SLC16A3: variants seen among roughly 807,000 people sequenced by gnomAD.
The protein encoded by SLC16A3 is solute carrier family 16 member 3.
A neutral mutation model predicts 25.0 loss-of-function variants in SLC16A3; 22 were observed. The ratio of observed to expected loss-of-function variants is 0.88; its 90% CI spans 0.63 to 1.26. SLC16A3 has a LOEUF of 1.26. Ranked by LOEUF, SLC16A3 falls within the 50% of genes most tolerant of loss-of-function variation. The pLI is 0.00. For missense variants in SLC16A3, 731 were observed against 666.6 expected, an observed-to-expected ratio of 1.10 and a Z score of -1.06; for synonymous variants, 390 against 309.2, an observed-to-expected ratio of 1.26 and a Z score of -2.74.
chr17:82,227,813 C>G (rs112782362), upstream of SLC16A3, among the ~76,000 whole-genome samples: 3 of 152,158 alleles, frequency 2.0e-5, no homozygotes, highest in East Asian at 5.8e-4. Context: ...GGTGGTTGGG[C>G]CCCAGGTAGG....
chr17:82,231,023 G>A (rs2050486036), intron 1 of SLC16A3: 1 of 152,256 alleles, frequency 6.6e-6, no homozygotes, highest in Non-Finnish European at 1.5e-5. Flanking sequence ...CGGCTCCCGG[G>A]CTCCGCTGAC....
At position 82,237,414 on chromosome 17, in the gene SLC16A3, G is replaced by A. The variant is rs768117381; in HGVS notation, c.644G>A (p.Arg215Gln). Residue 215 changes from arginine to glutamine, a missense_variant, in exon 4 of 5, where the codon CGG becomes CAG. Coordinates refer to ENST00000582743, the MANE Select transcript of SLC16A3 (RefSeq NM_004207.4). ...QPGSGPPRPS[R>Q]RLLDLSVFRD... ...GGCTCGGGGCCGCCGCGACCCTCCC[G>A]GCGCCTGCTAGACCTGAGCGTCTTC... 21 of 1,569,046 alleles carry A rather than the reference G, an allele frequency of 1.3e-5. No homozygotes were observed. The East Asian group carries it at 2.6e-4, about 19-fold the overall frequency.
chr17:82,239,994 G>A lies in SLC16A3; in HGVS notation c.*1018G>A. 1.6e-6 allele frequency: 2 copies of A among 1,233,724 alleles called. No individual in the cohort carries two copies. The highest frequency in any genetic ancestry group is 2.0e-6 in the Non-Finnish European group (2 of 987,838). The allele number at this position is 1,233,724 out of a possible 1,614,324, so 76.4% of individuals were successfully genotyped here. ...GGGGCCCTCAGTAGGTGCGTCGTGGGCGCTGGGGACGGCAGCGGGTGCCCT... is the reference window on the plus strand; with the variant it reads ...GGGGCCCTCAGTAGGTGCGTCGTGGACGCTGGGGACGGCAGCGGGTGCCCT... On this transcript the variant is annotated 3_prime_UTR_variant, in exon 5 of 5. Transcript: ENST00000582743.
At chr17:82,238,583 C>T in intron 4 of SLC16A3, 119 bp from the exon 5 acceptor site, 12 of 1,052,248 alleles carry the variant, frequency 1.1e-5, no homozygotes, top group Non-Finnish European at 1.6e-5. Context: ...GCCCCACAAG[C>T]TCAGAGGCAG....
rs550922668 is a variant in SLC16A3 at position 82,223,204 on chromosome 17, G to A, written c.-27+5020G>A. ...TTATTATTATTATTATTTCTGAGAC[G>A]GAGTTTCGCTCTTTGTTACCCAGGC... On this transcript the variant is annotated intron_variant, in intron 1 of 4. Coordinates refer to the SLC16A3 transcript ENST00000580098. Among the ~76,000 whole-genome samples the A allele has an allele frequency of 9.8e-3, 1,458 of 148,456 alleles. 14 individuals are homozygous for A. Among genetic ancestry groups the A allele is most frequent in the African/African-American group, 0.037 (1,396 of 38,132 alleles).
chr17:82,225,255 T>G (rs1346002604), upstream of SLC16A3, among the ~76,000 whole-genome samples: 1 of 151,892 alleles, frequency 6.6e-6, no homozygotes, highest in Non-Finnish European at 1.5e-5. Flanking sequence ...AGTGAGACTC[T>G]GTCAAAAAAA....
rs890433707 is a variant in SLC16A3 at position 82,235,741 on chromosome 17, C to T, written c.-26-242C>T. 14 of 551,724 alleles carry T rather than the reference C, an allele frequency of 2.5e-5. No homozygotes were observed. The African/African-American group carries it at 2.6e-4, about 10-fold the overall frequency. The allele number at this position is 551,724 out of a possible 1,614,324, so 34.2% of individuals were successfully genotyped here. The stretch of plus-strand genomic sequence containing the variant: ...CTGGCCGAGCCCAAAAAAGCCACTG[C>T]CCTTTAGAGCCAGCTGTGAGGGTGC... On this transcript the variant is annotated intron_variant, in intron 1 of 4. Coordinates refer to ENST00000582743, the MANE Select transcript of SLC16A3 (RefSeq NM_004207.4).
chr17:82,236,048 A>AGGGCCCCACAGGCGTCT lies in SLC16A3; in HGVS notation c.40_41insGGGCCCCACAGGCGTCT (p.Lys14ArgfsTer75). On this transcript the variant is annotated frameshift_variant, in exon 2 of 5. Transcript: ENST00000582743. LOFTEE classifies it high-confidence loss of function. ...GGTGGACGAGGGCCCCACAGGCGTC[A>AGGGCCCCACAGGCGTCT]AGGCCCCTGACGGCGGCTGGGGCTG... is the stretch of plus-strand genomic sequence containing the variant. 6.2e-7 allele frequency: 1 copy of AGGGCCCCACAGGCGTCT among 1,612,708 alleles called. No individual in the cohort carries two copies. The highest frequency in any genetic ancestry group is 8.5e-7 in the Non-Finnish European group (1 of 1,179,818).
intron 1 of SLC16A3, chr17:82,229,583 C>G (rs1307015134): frequency 6.6e-6 from 1 of 152,450 alleles, no homozygotes; most frequent in African/African-American, 2.4e-5. Flanking sequence ...TCGCAACACC[C>G]TGAACACTCC....
At chr17:82,220,724 C>T (rs1207359150) in intron 1 of SLC16A3, among the ~76,000 whole-genome samples, 4 of 152,062 alleles carry the variant, frequency 2.6e-5, no homozygotes, top group Non-Finnish European at 5.9e-5. Flanking sequence ...TATCTCACAC[C>T]GTTTATAAGT....
chr17:82,227,481 G>A (rs1364435495), upstream of SLC16A3, among the ~76,000 whole-genome samples: 1 of 152,102 alleles, frequency 6.6e-6, no homozygotes, highest in East Asian at 1.9e-4. Context: ...CCCCATAGGG[G>A]ACCCATTCCC....
chr17:82,218,929 G>A (rs995617271), intron 1 of SLC16A3, among the ~76,000 whole-genome samples: 21 of 152,146 alleles, frequency 1.4e-4, no homozygotes, highest in Non-Finnish European at 1.6e-4. Context: ...TGGGGACCAC[G>A]GGACTTGCCA....
upstream of SLC16A3, among the ~76,000 whole-genome samples, chr17:82,224,652 C>T (rs560733966): frequency 5.6e-5 from 8 of 142,190 alleles, no homozygotes; most frequent in Admixed American, 2.8e-4. Context: ...AGACACACCC[C>T]TACACCCGTG....
intron 4 of SLC16A3, 63 bp downstream of exon 4, chr17:82,237,956 GA>G (rs2050654630): frequency 3.2e-5 from 49 of 1,546,492 alleles, no homozygotes; most frequent in Non-Finnish European, 4.2e-5. Context: ...CCCGCTTTGC[GA>G]GGGGGGGGAC....
At position 82,237,767 on chromosome 17, in the gene SLC16A3, G is replaced by T. The variant is rs147536424; in HGVS notation, c.997G>T (p.Gly333Cys). Reference protein sequence around the residue: ...VFCIFFGISYGMVGALQFEVL... With the variant: ...VFCIFFGISYCMVGALQFEVL... Reference sequence around the variant, plus strand: ...CTGCATCTTCTTTGGCATCTCCTACGGCATGGTGGGGGCCCTGCAGTTCGA... The same window carrying T: ...CTGCATCTTCTTTGGCATCTCCTACTGCATGGTGGGGGCCCTGCAGTTCGA... Residue 333 changes from glycine to cysteine, a missense_variant, in exon 4 of 5, where the codon GGC becomes TGC. By Grantham distance (159) the Gly-to-Cys change is radical. Transcript: ENST00000582743. 1.2e-6 allele frequency: 2 copies of T among 1,611,924 alleles called. No individual in the cohort carries two copies. Among genetic ancestry groups the T allele is most frequent in the Admixed American group, 1.7e-5 (1 of 60,020 alleles).
intron 1 of SLC16A3, among the ~76,000 whole-genome samples, chr17:82,222,579 G>A (rs1430831135): frequency 6.6e-6 from 1 of 152,128 alleles, no homozygotes; most frequent in African/African-American, 2.4e-5. Flanking sequence ...CGAGGCAGGC[G>A]CCTCACCTGA....
intron 4 of SLC16A3, among the ~76,000 whole-genome samples, chr17:82,238,245 A>G (rs1243374588): frequency 6.6e-6 from 1 of 152,146 alleles, no homozygotes; most frequent in Non-Finnish European, 1.5e-5. Flanking sequence ...TGACTGAGCT[A>G]ACACGTGAGG....
chr17:82,224,549 A>G (rs36007920), upstream of SLC16A3, among the ~76,000 whole-genome samples: 646 of 15,478 alleles, frequency 0.042, 84 homozygotes, highest in East Asian at 0.11. Flanking sequence ...CCCTACACCC[A>G]TGCAGACACA....
At chr17:82,235,255 T>C (rs2050578070) in intron 1 of SLC16A3, 2 of 152,592 alleles carry the variant, frequency 1.3e-5, no homozygotes, top group African/African-American at 2.4e-5. Flanking sequence ...ACTGGAGGAG[T>C]CACTGAGCAA....
Sources: gnomAD v4.1 joint callset for allele counts (sites outside exome capture counted in the v4.1 genomes callset) on GRCh38, gnomAD v4.1.1 for gene constraint, MANE v1.5 for transcripts, NCBI Gene and HGNC (gene_info 2026-07-23, HGNC 2026-07-21) for gene names.